The following TANC2 variants were observed in gnomAD, a reference collection of about 807,000 sequenced individuals.
TANC2 encodes tetratricopeptide repeat, ankyrin repeat and coiled-coil containing 2.
In TANC2, 26 loss-of-function variants were observed where a neutral mutation model predicts 210.5. The ratio of observed to expected loss-of-function variants is 0.12; its 90% CI spans 0.09 to 0.17. The LOEUF (loss-of-function observed/expected upper bound fraction) is 0.17. TANC2 is among the 10% of genes least tolerant of loss of function. TANC2 has a pLI of 1.00. For synonymous variants in TANC2, 931 were observed against 967.1 expected (o/e 0.96, Z 0.69); for missense variants, 2,129 against 2,608.9 (o/e 0.82, Z 4.01).
intron 9 of TANC2, among the ~76,000 whole-genome samples, chr17:63,293,555 G>T (rs2044443556): frequency 6.6e-6 from 1 of 152,056 alleles, no homozygotes; most frequent in South Asian, 2.1e-4. Context: ...ATTCATGGTT[G>T]TTTTCCATGA....
chr17:62,985,434 T>G (rs2032520508), intron 1 of TANC2, among the ~76,000 whole-genome samples: 1 of 152,220 alleles, frequency 6.6e-6, no homozygotes, highest in South Asian at 2.1e-4. Context: ...TGGGACATTT[T>G]CAGCTACTAT....
At chr17:63,330,242 A>G (rs755651534) in intron 11 of TANC2, among the ~76,000 whole-genome samples, 1 of 152,240 alleles carries the variant, frequency 6.6e-6, no homozygotes, top group Admixed American at 6.5e-5. Flanking sequence ...AGGTTGATTC[A>G]TGAGGTTTAA....
At chr17:63,316,262 G>A (rs2146601421) in intron 10 of TANC2, among the ~76,000 whole-genome samples, 1 of 151,204 alleles carries the variant, frequency 6.6e-6, no homozygotes, top group South Asian at 2.1e-4. Context: ...AGTTCAAGTG[G>A]CTTGCAATTT....
At chr17:63,049,481 G>GA (rs2035500064) in intron 2 of TANC2, among the ~76,000 whole-genome samples, 1 of 152,158 alleles carries the variant, frequency 6.6e-6, no homozygotes, top group South Asian at 2.1e-4. Flanking sequence ...ATCTGGGAGA[G>GA]AAGTATTTCA....
intron 5 of TANC2, among the ~76,000 whole-genome samples, chr17:63,178,736 G>A (rs2040678180): frequency 6.6e-6 from 1 of 152,170 alleles, no homozygotes; most frequent in African/African-American, 2.4e-5. Flanking sequence ...CAACAAATCA[G>A]AAAATGTAAA....
intron 13 of TANC2, among the ~76,000 whole-genome samples, chr17:63,351,754 A>T (rs768795807): frequency 2.6e-5 from 4 of 152,136 alleles, no homozygotes. Context: ...TTTTTTGATC[A>T]TTTAATGCTA....
intron 2 of TANC2, among the ~76,000 whole-genome samples, chr17:63,031,301 T>C (rs1323653054): frequency 1.3e-5 from 2 of 152,158 alleles, no homozygotes; most frequent in East Asian, 1.9e-4. Flanking sequence ...ATTAGAAACA[T>C]ATTTGTCTAC....
At chr17:63,229,768 G>GTTTT (rs1247423166) in intron 7 of TANC2, among the ~76,000 whole-genome samples, 2 of 135,404 alleles carry the variant, frequency 1.5e-5, no homozygotes, top group African/African-American at 5.5e-5. Context: ...ATGATTGTTT[G>GTTTT]TATTTTTTTT....
intron 25 of TANC2, chr17:63,414,097 T>C (rs921955598): frequency 6.6e-6 from 1 of 152,582 alleles, no homozygotes. Flanking sequence ...ATAAGATTTG[T>C]TTGAAATCAT....
chr17:63,359,847 C>T (rs889768433), intron 14 of TANC2, among the ~76,000 whole-genome samples: 3 of 152,102 alleles, frequency 2.0e-5, no homozygotes, highest in Non-Finnish European at 4.4e-5. Flanking sequence ...AGGGAAAAGG[C>T]GACACAAATC....
At chr17:63,223,667 G>A (rs2042253706) in intron 7 of TANC2, among the ~76,000 whole-genome samples, 1 of 152,014 alleles carries the variant, frequency 6.6e-6, no homozygotes, top group South Asian at 2.1e-4. Context: ...ACCATAGAAG[G>A]TAACTTTCAG....
At chr17:63,089,705 A>G (rs1304679934) in intron 3 of TANC2, among the ~76,000 whole-genome samples, 2 of 152,180 alleles carry the variant, frequency 1.3e-5, no homozygotes, top group African/African-American at 4.8e-5. Flanking sequence ...AACATTAGGA[A>G]TAATTTAGGC....
chr17:63,243,639 A>G (rs928764488), intron 8 of TANC2, among the ~76,000 whole-genome samples: 1 of 152,210 alleles, frequency 6.6e-6, no homozygotes, highest in Non-Finnish European at 1.5e-5. Flanking sequence ...AAATGATCAC[A>G]CTTCTATAAT....
At chr17:63,298,059 G>C (rs1287825655) in intron 9 of TANC2, among the ~76,000 whole-genome samples, 1 of 152,124 alleles carries the variant, frequency 6.6e-6, no homozygotes. Flanking sequence ...ACTAACAAGT[G>C]TTAATGAGGA....
chr17:63,324,382 C>T (rs1228983659), intron 11 of TANC2, among the ~76,000 whole-genome samples: 1 of 152,132 alleles, frequency 6.6e-6, no homozygotes, highest in African/African-American at 2.4e-5. Context: ...GAAATTGTTG[C>T]AGTCACTATT....
chr17:63,396,308 C>T (rs901810339), intron 18 of TANC2: 4 of 192,296 alleles, frequency 2.1e-5, no homozygotes, highest in African/African-American at 2.3e-5. Context: ...GATTTGAGTC[C>T]CAGCCTCGCT....
At chr17:63,379,876 A>AT (rs773703590) in intron 15 of TANC2, 50 bp downstream of exon 15, 1 of 1,458,648 alleles carries the variant, frequency 6.9e-7, no homozygotes, top group South Asian at 1.2e-5. Flanking sequence ...GCAGACTTTC[A>AT]TATGCTTTAT....
At chr17:63,179,433 T>C (rs2040701458) in intron 5 of TANC2, among the ~76,000 whole-genome samples, 1 of 152,186 alleles carries the variant, frequency 6.6e-6, no homozygotes, top group African/African-American at 2.4e-5. Flanking sequence ...TTGCTATTTG[T>C]AAGATAAGAA....
At chr17:62,976,451 T>G (rs1009417194) in intron 1 of TANC2, among the ~76,000 whole-genome samples, 3 of 150,322 alleles carry the variant, frequency 2.0e-5, no homozygotes, top group African/African-American at 7.4e-5. Flanking sequence ...GGAGGGTTTG[T>G]CTGGTTTTTT....
Sources: gnomAD v4.1 joint callset for allele counts (sites outside exome capture counted in the v4.1 genomes callset) on GRCh38, gnomAD v4.1.1 for gene constraint, MANE v1.5 for transcripts, NCBI Gene and HGNC (gene_info 2026-07-23, HGNC 2026-07-21) for gene names.